The following PRKX variants were observed in gnomAD, a reference collection of about 807,000 sequenced individuals.
The protein encoded by PRKX is protein kinase cAMP-dependent X-linked catalytic subunit, also known as cAMP-dependent protein kinase catalytic subunit PRKX.
Under a neutral mutation model 22.0 loss-of-function variants are expected in PRKX, and 12 were observed. The observed-to-expected ratio is 0.54, with a 90% CI of 0.35 to 0.88. PRKX has a LOEUF of 0.88. PRKX is among the 40% of genes least tolerant of loss of function. The probability of loss-of-function intolerance (pLI) is 0.01; values close to 1 mark genes in which losing one functional copy is unlikely to be tolerated. For missense variants in PRKX, 217 were observed against 308.0 expected (o/e 0.70, Z 2.21); for synonymous variants, 134 against 137.7 (o/e 0.97, Z 0.19).
In PRKX at chrX:3,614,084, G is replaced by A. The variant is rs190082920; in HGVS notation, c.951+1731C>T. 7.5e-3 allele frequency among the ~76,000 whole-genome samples: 834 copies of A among 110,950 alleles called. 3 individuals carry two copies. Among genetic ancestry groups the A allele is most frequent in the Middle Eastern group, 0.028 (6 of 216 alleles). On this transcript the variant is annotated intron_variant, in intron 7 of 8. Transcript: ENST00000262848. ...GGAATCAACCTAAGTGTCCACCAAT[G>A]GATGAAAGGATAAAGAAAGTGTGGT...
At position 3,703,669 on chromosome X, in the gene PRKX, GTT is replaced by G. The variant is rs1242835644; in HGVS notation, c.166+9417_166+9418del. On this transcript the variant is annotated intron_variant, in intron 1 of 8. Coordinates refer to ENST00000262848, the MANE Select transcript of PRKX (RefSeq NM_005044.5). ...AATGTGTTTTTGGGTTTTTTTGGTT[GTT>G]TTTTTTTTTTTTTTTTTGAGATGGA... is the stretch of plus-strand genomic sequence containing the variant. Among the ~76,000 whole-genome samples, 118 of 64,151 alleles carry G rather than the reference GTT, an allele frequency of 1.8e-3. 3 individuals are homozygous for G. The South Asian group carries it at 0.019, about 10-fold the overall frequency. The allele number at this position is 64,151 out of a possible 115,157, so 55.7% of individuals were successfully genotyped here. A position where few individuals can be genotyped will look rare whatever the true frequency, so the allele number is the denominator to read the frequency against.
At chrX:3,711,744 CAGAG>C (rs1231241000) in intron 1 of PRKX, among the ~76,000 whole-genome samples, 5 of 109,954 alleles carry the variant, frequency 4.5e-5, no homozygotes, top group Admixed American at 3.9e-4. Flanking sequence ...AGGGGGAAGG[CAGAG>C]AGAGAGGAGG....
At chrX:3,659,810 C>T (rs55915926) in intron 2 of PRKX, among the ~76,000 whole-genome samples, 49,723 of 102,193 alleles carry the variant, frequency 0.49, 10,081 homozygotes, top group Non-Finnish European at 0.57. Flanking sequence ...CTGCAACCTC[C>T]GCCTCCCGAG....
intron 2 of PRKX, among the ~76,000 whole-genome samples, chrX:3,665,127 CAT>C (rs1491413084): frequency 9.0e-6 from 1 of 111,386 alleles, no homozygotes; most frequent in Non-Finnish European, 1.9e-5. Context: ...TGTGTGCGTG[CAT>C]GTGTGTGTGC....
At chrX:3,612,529 G>A (rs1406269508) in intron 7 of PRKX, among the ~76,000 whole-genome samples, 1 of 111,782 alleles carries the variant, frequency 8.9e-6, no homozygotes, top group African/African-American at 3.2e-5. Flanking sequence ...ACTCACACCT[G>A]TAATCCCAAC....
chrX:3,655,268 G>T lies in PRKX; in HGVS notation c.480C>A (p.Ile160=). The T allele has an allele frequency of 8.3e-7, 1 of 1,211,982 alleles. No individual in the cohort carries two copies. Among genetic ancestry groups the T allele is most frequent in the Non-Finnish European group, 1.1e-6 (1 of 895,598 alleles). ...CGATCTCTTTGGAGTGCAGGTACTC[G>T]ATGGCACAGATGATCTCTGCAGAGT... ...LFYSAEIICA[I]EYLHSKEIVY... The change falls in exon 3 of 9, where the codon ATC becomes ATA. Residue 160 remains isoleucine (I), a synonymous_variant. Coordinates refer to ENST00000262848, the MANE Select transcript of PRKX (RefSeq NM_005044.5).
chrX:3,620,680 G>A (rs1926535799), intron 6 of PRKX, among the ~76,000 whole-genome samples: 1 of 112,363 alleles, frequency 8.9e-6, no homozygotes, highest in African/African-American at 3.2e-5. Flanking sequence ...GCGGTCTGTG[G>A]AAAAACTGTC....
rs139994056 is a variant in PRKX at position 3,647,944 on chromosome X, C to A, written c.600-5973G>T. ...TTCTGTCCTTATGATTTGGAAGAATCTAGGGCCCTCCTACAAGTAGAATCA... is the reference window on the plus strand; with the variant it reads ...TTCTGTCCTTATGATTTGGAAGAATATAGGGCCCTCCTACAAGTAGAATCA... On this transcript the variant is annotated intron_variant, in intron 3 of 8. Coordinates refer to ENST00000262848, the MANE Select transcript of PRKX (RefSeq NM_005044.5). 1.4e-3 allele frequency among the ~76,000 whole-genome samples: 157 copies of A among 111,154 alleles called. 1 individual carries two copies. Among genetic ancestry groups the A allele is most frequent in the African/African-American group, 4.7e-3 (144 of 30,621 alleles).
At chrX:3,697,009 G>A (rs1256812764) in intron 1 of PRKX, among the ~76,000 whole-genome samples, 1 of 102,322 alleles carries the variant, frequency 9.8e-6, no homozygotes, top group African/African-American at 3.7e-5. Flanking sequence ...GACAGAGCAA[G>A]ACTGTCTCAA....
At chrX:3,672,950 C>A (rs1927876683) in intron 2 of PRKX, among the ~76,000 whole-genome samples, 1 of 111,189 alleles carries the variant, frequency 9.0e-6, no homozygotes, top group Non-Finnish European at 1.9e-5. Context: ...GATTGTGCCA[C>A]TGAATTCCAG....
In PRKX at chrX:3,712,674, G is replaced by A. The variant is rs114569668; in HGVS notation, c.166+414C>T. Among the ~76,000 whole-genome samples, 815 of 112,387 alleles carry A rather than the reference G, an allele frequency of 7.3e-3. 5 individuals are homozygous for A. Among genetic ancestry groups the A allele is most frequent in the African/African-American group, 0.025 (775 of 30,973 alleles). On this transcript the variant is annotated intron_variant, in intron 1 of 8. Transcript: ENST00000262848. ...GGCACACAGGGAGGCTGGCCTAGGG[G>A]AGGCCTGCAGGGGTCTTCGCACCCC...
chrX:3,617,139 T>C (rs769631384), intron 6 of PRKX, among the ~76,000 whole-genome samples: 39 of 76,937 alleles, frequency 5.1e-4, no homozygotes, highest in African/African-American at 2.2e-3. Flanking sequence ...CATATATTTA[T>C]ATATACACAT....
intron 1 of PRKX, among the ~76,000 whole-genome samples, chrX:3,699,490 T>C (rs757377279): frequency 9.1e-6 from 1 of 110,195 alleles, no homozygotes; most frequent in East Asian, 2.9e-4. Flanking sequence ...GTAGCTGGGA[T>C]TACAAGCACC....
At position 3,712,170 on chromosome X, in the gene PRKX, G is replaced by A. The variant is rs114795915; in HGVS notation, c.166+918C>T. ...AATGAGGACAAACAGGAGTTAGAGG[G>A]CCTGAGAGCCGACGCCTCACCAACA... On this transcript the variant is annotated intron_variant, in intron 1 of 8. Coordinates refer to ENST00000262848, the MANE Select transcript of PRKX (RefSeq NM_005044.5). Among the ~76,000 whole-genome samples, 668 of 111,256 alleles carry A rather than the reference G, an allele frequency of 6.0e-3. 5 individuals are homozygous for A. Among genetic ancestry groups the A allele is most frequent in the African/African-American group, 0.021 (634 of 30,582 alleles).
chrX:3,693,939 CAAAAAAA>C (rs1230845031), intron 1 of PRKX, among the ~76,000 whole-genome samples: 1 of 33,086 alleles, frequency 3.0e-5, no homozygotes, highest in Non-Finnish European at 5.8e-5. Flanking sequence ...GACTCCGTCT[CAAAAAAA>C]AAAAAAAAAA....
At chrX:3,680,151 T>C (rs1928042758) in intron 1 of PRKX, among the ~76,000 whole-genome samples, 1 of 109,678 alleles carries the variant, frequency 9.1e-6, no homozygotes, top group African/African-American at 3.3e-5. Context: ...GTTGTTGTTG[T>C]TGTTGTTGTT....
At chrX:3,686,254 T>C (rs895159498) in intron 1 of PRKX, among the ~76,000 whole-genome samples, 4 of 111,385 alleles carry the variant, frequency 3.6e-5, no homozygotes, top group African/African-American at 6.5e-5. Context: ...GAGGAGTTTG[T>C]ACTCCCAACT....
intron 3 of PRKX, among the ~76,000 whole-genome samples, chrX:3,653,920 AATAT>A (rs1424825322): frequency 2.3e-5 from 1 of 44,414 alleles, no homozygotes; most frequent in Non-Finnish European, 4.2e-5. Context: ...TGATATATAT[AATAT>A]ATATTATATA....
At chrX:3,648,605 C>CGTGTGTGTGTGT (rs1569049318) in intron 3 of PRKX, among the ~76,000 whole-genome samples, 1 of 46,169 alleles carries the variant, frequency 2.2e-5, no homozygotes, top group Non-Finnish European at 3.8e-5. Context: ...TCTCTCTACT[C>CGTGTGTGTGTGT]CTGTGTGTGT....
Sources: gnomAD v4.1 joint callset for allele counts (sites outside exome capture counted in the v4.1 genomes callset) on GRCh38, gnomAD v4.1.1 for gene constraint, MANE v1.5 for transcripts, NCBI Gene and HGNC (gene_info 2026-07-23, HGNC 2026-07-21) for gene names.